The following NOVA1 variants were observed in gnomAD, a reference collection of about 807,000 sequenced individuals.
NOVA1 encodes NOVA alternative splicing regulator 1, also known as RNA-binding protein Nova-1.
A neutral mutation model predicts 38.0 loss-of-function variants in NOVA1; 7 were observed. The ratio of observed to expected loss-of-function variants is 0.18; its 90% CI spans 0.10 to 0.35. The LOEUF (loss-of-function observed/expected upper bound fraction) is 0.35. Among genes scored for constraint, NOVA1 ranks in the 10% least tolerant of loss-of-function variants. The probability of loss-of-function intolerance (pLI) is 1.00; values close to 1 mark genes in which losing one functional copy is unlikely to be tolerated. For missense variants in NOVA1, 460 were observed against 616.0 expected (o/e 0.75, Z 2.68); for synonymous variants, 270 against 232.5 (o/e 1.16, Z -1.47).
chr14:26,484,457 A>AAAAAAAAAAAAAAAAAAAAAAC (rs1175375616), intron 2 of NOVA1, among the ~76,000 whole-genome samples: 1 of 102,586 alleles, frequency 9.7e-6, no homozygotes, highest in African/African-American at 3.4e-5. Context: ...AAAAAAAAAA[A>AAAAAAAAAAAAAAAAAAAAAAC]AAAAAGAAAT....
At position 26,455,633 on chromosome 14, in the gene NOVA1, A is replaced by G. The variant is rs76400439; in HGVS notation, c.520-6670T>C. On this transcript the variant is annotated intron_variant, in intron 4 of 4. Coordinates refer to ENST00000539517, the MANE Select transcript of NOVA1 (RefSeq NM_002515.3). ...CATTATTTCACTTTGCTCCTGAAAC[A>G]TTATTCAAAATTTAAAGATATACAA... Among the ~76,000 whole-genome samples the G allele has an allele frequency of 8.6e-3, 1,303 of 152,092 alleles. 17 individuals are homozygous for G. The highest frequency in any genetic ancestry group is 0.029 in the African/African-American group (1,192 of 41,506).
intron 2 of NOVA1, among the ~76,000 whole-genome samples, chr14:26,529,737 A>G (rs1045604156): frequency 6.6e-6 from 1 of 152,138 alleles, no homozygotes; most frequent in Admixed American, 6.5e-5. Flanking sequence ...ATAGTGGCAC[A>G]CTATAAAAGT....
chr14:26,587,410 T>A (rs1016785035), intron 2 of NOVA1, among the ~76,000 whole-genome samples: 1 of 150,930 alleles, frequency 6.6e-6, no homozygotes, highest in East Asian at 1.9e-4. Context: ...AAAAGATACA[T>A]TGTAATAATT....
At chr14:26,471,054 T>A (rs776797430) in intron 4 of NOVA1, among the ~76,000 whole-genome samples, 6 of 151,374 alleles carry the variant, frequency 4.0e-5, no homozygotes, top group Non-Finnish European at 7.4e-5. Context: ...ACCATTTCCT[T>A]CAAAGAGAAG....
chr14:26,554,459 A>G (rs77894607), intron 2 of NOVA1, among the ~76,000 whole-genome samples: 1,724 of 152,296 alleles, frequency 0.011, 23 homozygotes, highest in Middle Eastern at 0.058. Flanking sequence ...GAAAAGTCCA[A>G]GTCATATTGA....
At chr14:26,536,559 T>C (rs559385902) in intron 2 of NOVA1, among the ~76,000 whole-genome samples, 3 of 152,016 alleles carry the variant, frequency 2.0e-5, no homozygotes, top group African/African-American at 7.2e-5. Context: ...ATAACTAGAT[T>C]ACTATTTGGA....
intron 4 of NOVA1, among the ~76,000 whole-genome samples, chr14:26,460,408 C>T: frequency 6.6e-6 from 1 of 151,862 alleles, no homozygotes; most frequent in Non-Finnish European, 1.5e-5. Context: ...TGAAATAGTT[C>T]ATTTATAATA....
intron 2 of NOVA1, among the ~76,000 whole-genome samples, chr14:26,526,516 G>A (rs568332402): frequency 1.3e-5 from 2 of 152,044 alleles, no homozygotes; most frequent in East Asian, 1.9e-4. Context: ...AAAGCCCAGC[G>A]CTGTTTACAA....
In NOVA1 at chr14:26,595,490, T is replaced by C; in HGVS notation, c.200A>G (p.Lys67Arg). The C allele has an allele frequency of 6.2e-7, 1 of 1,613,860 alleles. No individual in the cohort carries two copies. The highest frequency in any genetic ancestry group is 1.3e-5 in the African/African-American group (1 of 75,048). ...CAACTGAACAATTGTCTGTCCTCCC[T>C]TCCCAATTATAGATCCAGCAGCATA... ...PSYAAGSIIG[K>R]GGQTIVQLQK... Residue 67 changes from lysine (K) to arginine (R), a missense_variant, in exon 2 of 5, where the codon AAG (lysine) becomes AGG (arginine). Coordinates refer to ENST00000539517, the MANE Select transcript of NOVA1 (RefSeq NM_002515.3).
intron 2 of NOVA1, among the ~76,000 whole-genome samples, chr14:26,538,794 A>C (rs1314885848): frequency 6.6e-6 from 1 of 152,096 alleles, no homozygotes; most frequent in Non-Finnish European, 1.5e-5. Context: ...TTATGGTAAA[A>C]TTTTAACTCC....
At chr14:26,536,209 G>A (rs542497187) in intron 2 of NOVA1, among the ~76,000 whole-genome samples, 20 of 151,688 alleles carry the variant, frequency 1.3e-4, no homozygotes, top group East Asian at 9.7e-4. Context: ...CCAGAGGCTC[G>A]GAAGGGTGGT....
intron 4 of NOVA1, among the ~76,000 whole-genome samples, chr14:26,469,709 C>T (rs967896005): frequency 6.6e-6 from 1 of 152,128 alleles, no homozygotes; most frequent in African/African-American, 2.4e-5. Flanking sequence ...TCCGCCTCAG[C>T]CTCCAGGTAG....
At chr14:26,515,906 AATC>A (rs1461828630) in intron 2 of NOVA1, among the ~76,000 whole-genome samples, 2 of 152,100 alleles carry the variant, frequency 1.3e-5, no homozygotes, top group African/African-American at 4.8e-5. Flanking sequence ...AAAAGTACAA[AATC>A]ATAAGTGTAT....
At chr14:26,470,423 T>C (rs1384036533) in intron 4 of NOVA1, 25 of 1,529,462 alleles carry the variant, frequency 1.6e-5, no homozygotes, top group Middle Eastern at 1.7e-4. Context: ...ATTCTTTCAA[T>C]GAATTACGGA....
In NOVA1 at chr14:26,510,126, G is replaced by A. The variant is rs184124628; in HGVS notation, c.281-29983C>T. ...ACTTCAGAAATACTCACTGAAAGAAGAGGAATACAGGAAAAATACATCATT... is the reference window on the plus strand; with the variant it reads ...ACTTCAGAAATACTCACTGAAAGAAAAGGAATACAGGAAAAATACATCATT... On this transcript the variant is annotated intron_variant, in intron 2 of 4. Coordinates refer to ENST00000539517, the MANE Select transcript of NOVA1 (RefSeq NM_002515.3). Among the ~76,000 whole-genome samples the A allele has an allele frequency of 6.6e-5, 10 of 152,222 alleles. No individual in the cohort carries two copies. In the East Asian group the frequency reaches 1.9e-3, roughly 29 times the overall value.
At chr14:26,476,108 C>T (rs1884965516) in intron 3 of NOVA1, among the ~76,000 whole-genome samples, 1 of 152,026 alleles carries the variant, frequency 6.6e-6, no homozygotes. Flanking sequence ...CATACTGTAC[C>T]AAAATGAATA....
intron 4 of NOVA1, among the ~76,000 whole-genome samples, chr14:26,456,158 A>T (rs1462442207): frequency 6.6e-6 from 1 of 152,076 alleles, no homozygotes; most frequent in East Asian, 1.9e-4. Flanking sequence ...AATGAAAACT[A>T]ATGTTTTCAA....
chr14:26,570,676 T>C (rs1034934873), intron 2 of NOVA1, among the ~76,000 whole-genome samples: 1 of 152,208 alleles, frequency 6.6e-6, no homozygotes, highest in Admixed American at 6.5e-5. Context: ...AAGGCAATTG[T>C]TCCTAAAACA....
intron 2 of NOVA1, among the ~76,000 whole-genome samples, chr14:26,502,789 G>A (rs939644447): frequency 6.6e-6 from 1 of 151,842 alleles, no homozygotes; most frequent in Non-Finnish European, 1.5e-5. Flanking sequence ...ATAAAAATGT[G>A]CCATTGTTTT....
Sources: gnomAD v4.1 joint callset for allele counts (sites outside exome capture counted in the v4.1 genomes callset) on GRCh38, gnomAD v4.1.1 for gene constraint, MANE v1.5 for transcripts, NCBI Gene and HGNC (gene_info 2026-07-23, HGNC 2026-07-21) for gene names.